Variants in ARMCX2 observed in about 807,000 individuals in gnomAD.
The protein encoded by ARMCX2 is armadillo repeat-containing X-linked protein 2.
A neutral mutation model predicts 17.0 loss-of-function variants in ARMCX2; 2 were observed. That is an observed-to-expected ratio of 0.12 (90% CI 0.05 to 0.37). ARMCX2 has a LOEUF of 0.37. Ranked by LOEUF, ARMCX2 falls within the 10% of genes least tolerant of loss-of-function variation. ARMCX2 has a pLI of 1.00. For synonymous variants in ARMCX2, 182 were observed against 195.2 expected (o/e 0.93, Z 0.57); for missense variants, 408 against 497.7 (o/e 0.82, Z 1.72).
chrX:101,659,270 A>G (rs1455193816), intron 2 of ARMCX2, 122 bp from the exon 3 acceptor site: 1 of 101,820 alleles, frequency 9.8e-6, no homozygotes, highest in Non-Finnish European at 2.0e-5. Context: ...TGGTACACCC[A>G]TTTCCCAGCA....
Position 101,657,547 on chromosome X carries a change from T to C in ARMCX2, c.42A>G (p.Ile14Met). The change falls in exon 6 of 6, where the codon ATA becomes ATG. Residue 14 changes from isoleucine to methionine, a missense_variant. Around this residue, in one of 2 missense-constraint regions of ARMCX2, gnomAD observed 307 missense variants for 326.8 expected, o/e 0.94. Transcript: ENST00000356824. The part of the protein sequence containing the change: ...VRDAGCVAAG[I>M]VIGAGAWYCV... ...AGTACCAGGCACCAGCCCCTATCACTATCCCCGCCGCTACACAGCCAGCAT... is the reference window on the plus strand; with the variant it reads ...AGTACCAGGCACCAGCCCCTATCACCATCCCCGCCGCTACACAGCCAGCAT... 1 of 1,193,494 alleles carries C rather than the reference T, an allele frequency of 8.4e-7. No individual in the cohort carries two copies. The highest frequency in any genetic ancestry group is 1.1e-6 in the Non-Finnish European group (1 of 886,183).
In ARMCX2 at chrX:101,656,481, T is replaced by C; in HGVS notation, c.1108A>G (p.Met370Val). The change falls in exon 6 of 6, where the codon ATG becomes GTG. Residue 370 changes from methionine (M) to valine (V), a missense_variant. Around this residue, in one of 2 missense-constraint regions of ARMCX2, gnomAD observed 307 missense variants for 326.8 expected, o/e 0.94. Transcript: ENST00000356824. ...TCATAAGGAAAGGGGCGCTTCTGCA[T>C]GGCAACGGGTCTTCTTCCCCTCCCT... ...RRGRGRRPVA[M>V]QKRPFPYEID... 5 of 1,210,937 alleles carry C rather than the reference T, an allele frequency of 4.1e-6. No homozygotes were observed. The South Asian group carries it at 5.3e-5, about 13-fold the overall frequency.
Position 101,656,472 on chromosome X carries a change from G to A in ARMCX2, c.1117C>T (p.Arg373Cys), listed in dbSNP as rs781895118. 3.3e-6 allele frequency: 4 copies of A among 1,210,786 alleles called. No individual in the cohort carries two copies. Among genetic ancestry groups the A allele is most frequent in the Non-Finnish European group, 4.5e-6 (4 of 895,342 alleles). The change falls in exon 6 of 6, where the codon CGC (arginine) becomes TGC (cysteine). Residue 373 changes from arginine to cysteine, a missense_variant. Physicochemically the swap from Arg to Cys is radical, Grantham distance 180. Transcript: ENST00000356824. Reference sequence around the variant, plus strand: ...TCATCAATTTCATAAGGAAAGGGGCGCTTCTGCATGGCAACGGGTCTTCTT... The same window carrying A: ...TCATCAATTTCATAAGGAAAGGGGCACTTCTGCATGGCAACGGGTCTTCTT... ...RGRRPVAMQKRPFPYEIDEIL... is the reference protein window; with the variant it reads ...RGRRPVAMQKCPFPYEIDEIL...
Position 101,655,702 on chromosome X carries a change from C to A in ARMCX2, c.1887G>T (p.Val629=). 8.8e-7 allele frequency: 1 copy of A among 1,135,920 alleles called. No homozygotes were observed. The highest frequency in any genetic ancestry group is 2.2e-5 in the South Asian group (1 of 44,469). 93.6% of individuals were successfully genotyped at this position (1,135,920 alleles called of 1,213,427 possible). Residue 629 remains valine, a synonymous_variant, in exon 6 of 6, where the codon GTG becomes GTT. Transcript: ENST00000356824. ...LLVKVKVIKL[V]NKF is the part of the protein sequence containing the mutation. ...GGTACATAACCAATCAGAATTTGTT[C>A]ACTAGTTTTATAACTTTCACTTTCA...
Position 101,656,942 on chromosome X carries a change from T to G in ARMCX2, c.647A>C (p.Glu216Ala). ...AEAPGVASPT[E>A]AAEAPVPATP... ...TGCCGGCACAGGAGCCTCAGCTGCCTCGGTAGGCGATGCCACCCCGGGAGC... is the reference window on the plus strand; with the variant it reads ...TGCCGGCACAGGAGCCTCAGCTGCCGCGGTAGGCGATGCCACCCCGGGAGC... Residue 216 changes from glutamate to alanine, a missense_variant, in exon 6 of 6, where the codon GAG becomes GCG. Glu to Ala is a moderately radical substitution (Grantham distance 107, BLOSUM62 -1). This residue lies in a region of ARMCX2 where 307 missense variants were observed against 326.8 expected (regional missense o/e 0.94). Transcript: ENST00000356824. 8.3e-7 allele frequency: 1 copy of G among 1,210,612 alleles called. No homozygotes were observed. Among genetic ancestry groups the G allele is most frequent in the Non-Finnish European group, 1.1e-6 (1 of 894,847 alleles).
In ARMCX2 at chrX:101,657,358, A is replaced by C. The variant is rs782347302; in HGVS notation, c.231T>G (p.Ala77=). 2 of 1,211,934 alleles carry C rather than the reference A, an allele frequency of 1.7e-6. No individual in the cohort carries two copies. The highest frequency in any genetic ancestry group is 2.2e-6 in the Non-Finnish European group (2 of 895,420). ...CATCCTGGGCCCTGTCCTCTGCTTC[A>C]GCACGGACTGGGGTTGGGGGACTGA... The part of the protein sequence containing the change: ...SGFSPPTPVR[A]EAEDRAQDEA... The change falls in exon 6 of 6, where the codon GCT becomes GCG. Residue 77 remains alanine, a synonymous_variant. Transcript: ENST00000356824.
Position 101,656,967 on chromosome X carries a change from C to T in ARMCX2, c.622G>A (p.Ala208Thr), listed in dbSNP as rs1556062227. 1.7e-6 allele frequency: 2 copies of T among 1,211,163 alleles called. No individual in the cohort carries two copies. The highest frequency in any genetic ancestry group is 4.3e-5 in the Admixed American group (2 of 46,087). Residue 208 changes from alanine to threonine, a missense_variant, in exon 6 of 6, where the codon GCT becomes ACT. Around this residue, in one of 2 missense-constraint regions of ARMCX2, gnomAD observed 307 missense variants for 326.8 expected, o/e 0.94. Transcript: ENST00000356824. ...TCGGTAGGCGATGCCACCCCGGGAG[C>T]TTCAGCTACCTTGGTAGGTGCTGCT... is the stretch of plus-strand genomic sequence containing the variant. ...GVAAPTKVAE[A>T]PGVASPTEAA...
chrX:101,656,157 C>A lies in ARMCX2; in HGVS notation c.1432G>T (p.Ala478Ser). ...TGAACTGCTGAGTTCAGGTTAGAGG[C>A]CATGATATCATCCATCACTTTATTC... ...YMNKVMDDIM[A>S]SNLNSAVQVV... is the part of the protein sequence containing the mutation. The change falls in exon 6 of 6, where the codon GCC (alanine) becomes TCC (serine). Residue 478 changes from alanine to serine, a missense_variant. By Grantham distance (99) the Ala-to-Ser change is moderately conservative. Coordinates refer to ENST00000356824, the MANE Select transcript of ARMCX2 (RefSeq NM_177949.4). 1.7e-6 allele frequency: 2 copies of A among 1,210,072 alleles called. No homozygotes were observed. The highest frequency in any genetic ancestry group is 5.9e-5 in the East Asian group (2 of 33,806).
Position 101,657,066 on chromosome X carries a change from C to T in ARMCX2, c.523G>A (p.Ala175Thr), listed in dbSNP as rs782108200. The T allele has an allele frequency of 1.9e-5, 23 of 1,200,307 alleles. No homozygotes were observed. The highest frequency in any genetic ancestry group is 2.3e-5 in the Non-Finnish European group (20 of 888,643). The change falls in exon 6 of 6, where the codon GCA (alanine) becomes ACA (threonine). Residue 175 changes from alanine to threonine, a missense_variant. By Grantham distance (58) the Ala-to-Thr change is moderately conservative (BLOSUM62 0). Around this residue, in one of 2 missense-constraint regions of ARMCX2, gnomAD observed 307 missense variants for 326.8 expected, o/e 0.94. Coordinates refer to ENST00000356824, the MANE Select transcript of ARMCX2 (RefSeq NM_177949.4). Reference protein sequence around the residue: ...EAPREAETSRAAVPPGTVVPT... With the variant: ...EAPREAETSRTAVPPGTVVPT... ...ACCACTGTCCCAGGAGGCACCGCTG[C>T]CCTGGAAGTCTCCGCTTCTCTGGGA...
At position 101,657,600 on chromosome X, in the gene ARMCX2, G is replaced by A; in HGVS notation, c.-12C>T. On this transcript the variant is annotated 5_prime_UTR_variant, in exon 6 of 6. Transcript: ENST00000356824. ...CGAACGCGGCTCATGGTGCAGCTGG[G>A]GTTATTCACTGATCCAGGGCGTGGA... 8.4e-7 allele frequency: 1 copy of A among 1,197,421 alleles called. No homozygotes were observed. The highest frequency in any genetic ancestry group is 1.1e-6 in the Non-Finnish European group (1 of 885,703).
At position 101,659,780 on chromosome X, in the gene ARMCX2, TCTC is replaced by T. The variant is rs782111323; in HGVS notation, c.-444_-442del. 6.3e-5 allele frequency: 7 copies of T among 110,944 alleles called. No individual in the cohort carries two copies. Among genetic ancestry groups the T allele is most frequent in the Admixed American group, 1.9e-4 (2 of 10,507 alleles). 9.1% of individuals were successfully genotyped at this position (110,944 alleles called of 1,213,427 possible). The stretch of plus-strand genomic sequence containing the variant: ...CACCTGCCCGAATCTGGGGGAATTT[TCTC>T]CTCCTCCTCCTCGCCTGGGTTAAAC... On this transcript the variant is annotated 5_prime_UTR_variant, in exon 1 of 6. Coordinates refer to ENST00000356824, the MANE Select transcript of ARMCX2 (RefSeq NM_177949.4).
chrX:101,657,816 G>C, intron 5 of ARMCX2, 101 bp from the exon 6 acceptor site: 1 of 365,617 alleles, frequency 2.7e-6, no homozygotes, highest in Admixed American at 4.8e-5. Context: ...CTTCGTTGGC[G>C]GGCTAGCACC....
chrX:101,656,855 G>A lies in ARMCX2; in HGVS notation c.734C>T (p.Pro245Leu), dbSNP rs1256162105. 2.5e-6 allele frequency: 3 copies of A among 1,209,543 alleles called. No individual in the cohort carries two copies. The highest frequency in any genetic ancestry group is 3.0e-5 in the East Asian group (1 of 33,720). ...TGTTCCAGGAACCACCGCTGTTCTA[G>A]GGGAACCAGAAGTTCCAGGAGACTC... is the stretch of plus-strand genomic sequence containing the variant. ...AAESPGTSGS[P>L]RTAVVPGTSA... The change falls in exon 6 of 6, where the codon CCT becomes CTT. Residue 245 changes from proline to leucine, a missense_variant. This residue lies in a region of ARMCX2 where 307 missense variants were observed against 326.8 expected (regional missense o/e 0.94). Coordinates refer to ENST00000356824, the MANE Select transcript of ARMCX2 (RefSeq NM_177949.4).
In ARMCX2 at chrX:101,655,309, T is replaced by A. The variant is rs1556045624; in HGVS notation, c.*381A>T. 1 of 118,331 alleles carries A rather than the reference T, an allele frequency of 8.5e-6. No individual in the cohort carries two copies. The highest frequency in any genetic ancestry group is 3.2e-5 in the African/African-American group (1 of 31,129). The allele number at this position is 118,331 out of a possible 1,213,427, so 9.8% of individuals were successfully genotyped here. On this transcript the variant is annotated 3_prime_UTR_variant, in exon 6 of 6. Coordinates refer to ENST00000356824, the MANE Select transcript of ARMCX2 (RefSeq NM_177949.4). ...TTGTCAGTTGAAACATACAACTTTA[T>A]TGATGATACACAAATGAAGTCTTTG... is the stretch of plus-strand genomic sequence containing the variant.
At position 101,656,420 on chromosome X, in the gene ARMCX2, T is replaced by C. The variant is rs186669756; in HGVS notation, c.1169A>G (p.Lys390Arg). 1.7e-6 allele frequency: 2 copies of C among 1,208,977 alleles called. No individual in the cohort carries two copies. The highest frequency in any genetic ancestry group is 3.5e-5 in the African/African-American group (2 of 56,791). ...DEILGVRDLR[K>R]VLALLQKSDD... ...AGATTTCTGAAGCAAGGCAAGGACC[T>C]TCCTGAGATCGCGGACACCCAGAAT... The change falls in exon 6 of 6, where the codon AAG (lysine) becomes AGG (arginine). Residue 390 changes from lysine to arginine, a missense_variant. By Grantham distance (26) the Lys-to-Arg change is conservative (BLOSUM62 2). Around this residue, in one of 2 missense-constraint regions of ARMCX2, gnomAD observed 307 missense variants for 326.8 expected, o/e 0.94. Transcript: ENST00000356824.
At position 101,655,722 on chromosome X, in the gene ARMCX2, C is replaced by T; in HGVS notation, c.1867G>A (p.Val623Met). Residue 623 changes from valine (V) to methionine (M), a missense_variant, in exon 6 of 6, where the codon GTG (valine) becomes ATG (methionine). By Grantham distance (21) the Val-to-Met change is conservative. Coordinates refer to ENST00000356824, the MANE Select transcript of ARMCX2 (RefSeq NM_177949.4). Reference sequence around the variant, plus strand: ...TTGTTCACTAGTTTTATAACTTTCACTTTCACTAAGAGGTCATGGTGATTT... The same window carrying T: ...TTGTTCACTAGTTTTATAACTTTCATTTTCACTAAGAGGTCATGGTGATTT... ...LANHHDLLVKVKVIKLVNKF is the reference protein window; with the variant it reads ...LANHHDLLVKMKVIKLVNKF 1.7e-6 allele frequency: 2 copies of T among 1,147,711 alleles called. No individual in the cohort carries two copies. Among genetic ancestry groups the T allele is most frequent in the Non-Finnish European group, 2.3e-6 (2 of 867,192 alleles). The allele number at this position is 1,147,711 out of a possible 1,213,427, so 94.6% of individuals were successfully genotyped here. A position where few individuals can be genotyped will look rare whatever the true frequency, so the allele number is the denominator to read the frequency against.
In ARMCX2 at chrX:101,656,325, C is replaced by T. The variant is rs370300605; in HGVS notation, c.1264G>A (p.Glu422Lys). Reference protein sequence around the residue: ...SNNANYSCNQETIRKLGGLPI... With the variant: ...SNNANYSCNQKTIRKLGGLPI... ...AGGCCTCCCAATTTGCGGATTGTCT[C>T]TTGATTGCATGAATAATTGGCATTG... The change falls in exon 6 of 6, where the codon GAG (glutamate) becomes AAG (lysine). Residue 422 changes from glutamate (E) to lysine (K), a missense_variant. Glu to Lys is a moderately conservative substitution (Grantham distance 56, BLOSUM62 1). Around this residue, in one of 2 missense-constraint regions of ARMCX2, gnomAD observed 101 missense variants for 170.9 expected, o/e 0.59. Coordinates refer to ENST00000356824, the MANE Select transcript of ARMCX2 (RefSeq NM_177949.4). The T allele has an allele frequency of 1.7e-6, 2 of 1,208,716 alleles. No homozygotes were observed. The highest frequency in any genetic ancestry group is 3.5e-5 in the African/African-American group (2 of 56,829).
rs782223379 is a variant in ARMCX2 at position 101,657,352 on chromosome X, T to C, written c.237A>G (p.Ala79=). The C allele has an allele frequency of 7.4e-6, 9 of 1,211,863 alleles. No homozygotes were observed. Among genetic ancestry groups the C allele is most frequent in the Non-Finnish European group, 8.9e-6 (8 of 895,292 alleles). The change falls in exon 6 of 6, where the codon GCA becomes GCG. Residue 79 remains alanine, a synonymous_variant. Coordinates refer to ENST00000356824, the MANE Select transcript of ARMCX2 (RefSeq NM_177949.4). ...FSPPTPVRAE[A]EDRAQDEASA... is the part of the protein sequence containing the mutation. ...AGGCTTCATCCTGGGCCCTGTCCTC[T>C]GCTTCAGCACGGACTGGGGTTGGGG...
chrX:101,656,696 T>C lies in ARMCX2; in HGVS notation c.893A>G (p.Lys298Arg). 1 of 1,210,897 alleles carries C rather than the reference T, an allele frequency of 8.3e-7. No individual in the cohort carries two copies. ...RSRNGGKGKG[K>R]KSKVEVDELG... is the part of the protein sequence containing the mutation. Reference sequence around the variant, plus strand: ...TTCGTCTACTTCAACTTTGCTTTTCTTGCCCTTGCCCTTGCCCCCATTCCG... The same window carrying C: ...TTCGTCTACTTCAACTTTGCTTTTCCTGCCCTTGCCCTTGCCCCCATTCCG... The change falls in exon 6 of 6, where the codon AAG becomes AGG. Residue 298 changes from lysine (K) to arginine (R), a missense_variant. Transcript: ENST00000356824.
Sources: gnomAD v4.1 joint callset for allele counts on GRCh38, gnomAD v4.1.1 for gene constraint, gnomAD v4.1.1 regional missense constraint, MANE v1.5 for transcripts, NCBI Gene and HGNC (gene_info 2026-07-23, HGNC 2026-07-21) for gene names.